The following SLC26A8 variants were observed in gnomAD, a reference collection of about 807,000 sequenced individuals.
The protein encoded by SLC26A8 is solute carrier family 26 member 8, also known as testis anion transporter 1.
SLC26A8 carries 70 observed loss-of-function variants against 105.0 expected under a neutral mutation model. The ratio of observed to expected loss-of-function variants is 0.67; its 90% CI spans 0.55 to 0.81. The LOEUF (loss-of-function observed/expected upper bound fraction) is 0.81, where lower values mean the gene tolerates loss of function less well. SLC26A8 is among the 40% of genes least tolerant of loss of function. The pLI is 0.00. For missense variants in SLC26A8, 998 were observed against 1,181.8 expected (o/e 0.84, Z 2.28); for synonymous variants, 415 against 438.3 (o/e 0.95, Z 0.66).
chr6:35,980,405 C>A (rs1175521122), intron 8 of SLC26A8, among the ~76,000 whole-genome samples: 1 of 152,188 alleles, frequency 6.6e-6, no homozygotes, highest in African/African-American at 2.4e-5. Flanking sequence ...GAGCAATGTG[C>A]TAAGTAATTT....
At chr6:35,947,811 C>A (rs561405144) in intron 19 of SLC26A8, among the ~76,000 whole-genome samples, 70 of 152,220 alleles carry the variant, frequency 4.6e-4, no homozygotes, top group Middle Eastern at 3.4e-3. Context: ...TGCGTCTGTA[C>A]TCCCAAATAC....
chr6:35,955,730 A>G (rs10456437), intron 16 of SLC26A8, among the ~76,000 whole-genome samples: 13 of 151,776 alleles, frequency 8.6e-5, no homozygotes, highest in Non-Finnish European at 1.6e-4. Flanking sequence ...CATCTTCACC[A>G]CCCACGACAC....
At chr6:35,977,467 T>C (rs1455193470) in intron 8 of SLC26A8, 116 bp from the exon 9 acceptor site, 7 of 1,143,264 alleles carry the variant, frequency 6.1e-6, no homozygotes, top group Non-Finnish European at 8.3e-6. Flanking sequence ...TTAATAACAA[T>C]AGGGACAAGC....
rs546689610 is a variant in SLC26A8 at position 35,992,530 on chromosome 6, C to A, written c.772G>T (p.Gly258Cys). Residue 258 changes from glycine to cysteine, a missense_variant, in exon 6 of 20, where the codon GGT becomes TGT. Coordinates refer to ENST00000490799, the MANE Select transcript of SLC26A8 (RefSeq NM_052961.4). ...CTCACATAGAAGAAGGAGATGGGAC[C>A]GGCATGGAAACTAATCATAATCCCA... ...IFGIMISFHA[G>C]PISFFYDIIN... 1 of 1,612,738 alleles carries A rather than the reference C, an allele frequency of 6.2e-7. No homozygotes were observed. Among genetic ancestry groups the A allele is most frequent in the Non-Finnish European group, 8.5e-7 (1 of 1,179,512 alleles).
At chr6:36,012,473 T>A in intron 2 of SLC26A8, 101 bp from the exon 3 acceptor site, 7 of 1,320,356 alleles carry the variant, frequency 5.3e-6, no homozygotes, top group Non-Finnish European at 7.2e-6. Flanking sequence ...AAAAGTAGAG[T>A]CTTGTCAGCA....
At chr6:36,012,419 T>TTG in intron 2 of SLC26A8, 47 bp from the exon 3 acceptor site, 3 of 1,532,820 alleles carry the variant, frequency 2.0e-6, no homozygotes, top group Middle Eastern at 3.5e-4. Context: ...CCAAAGAAAA[T>TTG]GCCCGCATAG....
intron 7 of SLC26A8, among the ~76,000 whole-genome samples, chr6:35,985,590 G>A (rs906152341): frequency 1.3e-5 from 2 of 151,122 alleles, no homozygotes; most frequent in Admixed American, 6.6e-5. Context: ...CTACTCGGGA[G>A]GCTGAGGCAG....
chr6:35,955,241 C>A lies in SLC26A8; in HGVS notation c.2143G>T (p.Ala715Ser). ...GRRSLIPYSD[A>S]SLLPSVHTII... Reference sequence around the variant, plus strand: ...GTGTGGACACTGGGCAGTAGAGACGCATCTGAGTAAGGGATGAGTGATCTC... The same window carrying A: ...GTGTGGACACTGGGCAGTAGAGACGAATCTGAGTAAGGGATGAGTGATCTC... The change falls in exon 17 of 20, where the codon GCG becomes TCG. Residue 715 changes from alanine (A) to serine (S), a missense_variant. Physicochemically the swap from Ala to Ser is moderately conservative, Grantham distance 99. Coordinates refer to ENST00000490799, the MANE Select transcript of SLC26A8 (RefSeq NM_052961.4). 1 of 1,614,178 alleles carries A rather than the reference C, an allele frequency of 6.2e-7. No homozygotes were observed. Among genetic ancestry groups the A allele is most frequent in the African/African-American group, 1.3e-5 (1 of 75,038 alleles).
chr6:35,955,615 G>T, intron 16 of SLC26A8, 95 bp from the exon 17 acceptor site: 1 of 1,477,296 alleles, frequency 6.8e-7, no homozygotes, highest in Non-Finnish European at 9.1e-7. Context: ...GCCAGCTCAT[G>T]TCCCTCTCTC....
Position 35,983,462 on chromosome 6 carries a change from C to T in SLC26A8, c.943-1259G>A, listed in dbSNP as rs187533864. 1.2e-3 allele frequency among the ~76,000 whole-genome samples: 183 copies of T among 152,122 alleles called. 2 individuals are homozygous for T. The highest frequency in any genetic ancestry group is 1.0e-3 in the Non-Finnish European group (68 of 68,010). ...TGAACATATGTATAATTTCTTATAG[C>T]CAAGGGACCCTTGAATTATCAGTAT... On this transcript the variant is annotated intron_variant, in intron 7 of 19. Transcript: ENST00000490799.
chr6:35,996,579 C>T (rs908917454), intron 5 of SLC26A8, among the ~76,000 whole-genome samples: 15 of 152,192 alleles, frequency 9.9e-5, no homozygotes, highest in South Asian at 2.1e-4. Flanking sequence ...CAGGGTCTCG[C>T]TGTGCCACCC....
rs138344479 is a variant in SLC26A8, at chr6:35,955,184, C to T, written c.2200G>A (p.Val734Met). The change falls in exon 17 of 20, where the codon GTG (valine) becomes ATG (methionine). Residue 734 changes from valine (V) to methionine (M), a missense_variant. By Grantham distance (21) the Val-to-Met change is conservative. Transcript: ENST00000490799. ...AATACGACTAACCCCCGTGAATCCA[C>T]GTAGTGTACCATGGAGAAATCCAGG... ...IILDFSMVHY[V>M]DSRGLVVLRQ... 8.2e-4 allele frequency: 1,319 copies of T among 1,614,132 alleles called. 4 individuals are homozygous for T. The African/African-American group carries it at 0.013, about 16-fold the overall frequency.
intron 17 of SLC26A8, chr6:35,954,885 C>T (rs1403760632): frequency 1.7e-5 from 6 of 353,934 alleles, no homozygotes; most frequent in African/African-American, 8.4e-5. Flanking sequence ...GTGGAGGTTG[C>T]AGTGAGCCAA....
chr6:35,997,396 A>C (rs1249780269), intron 5 of SLC26A8, among the ~76,000 whole-genome samples: 1 of 152,148 alleles, frequency 6.6e-6, no homozygotes, highest in Non-Finnish European at 1.5e-5. Context: ...CCGACCTGCC[A>C]TTTGTGGAAA....
rs367696250 is a variant in SLC26A8, at chr6:35,955,073, G to T, written c.2232+79C>A. Reference sequence around the variant, plus strand: ...CATAGCAGCTGATCAGTGACTAACAGAATTCAATCAGGATCAGGGTGGGGT... The same window carrying T: ...CATAGCAGCTGATCAGTGACTAACATAATTCAATCAGGATCAGGGTGGGGT... On this transcript the variant is annotated intron_variant, in intron 17 of 19. Transcript: ENST00000490799. 2.4e-5 allele frequency: 38 copies of T among 1,566,506 alleles called. No individual in the cohort carries two copies. The East Asian group carries it at 4.7e-4, about 19-fold the overall frequency.
intron 11 of SLC26A8, among the ~76,000 whole-genome samples, chr6:35,965,129 C>T (rs1283563956): frequency 1.3e-5 from 2 of 152,046 alleles, no homozygotes; most frequent in East Asian, 1.9e-4. Context: ...TAGGTTACAA[C>T]TATGCAAAGT....
intron 11 of SLC26A8, among the ~76,000 whole-genome samples, chr6:35,968,607 G>GAATATA (rs1772628760): frequency 4.3e-5 from 2 of 47,042 alleles, no homozygotes; most frequent in East Asian, 1.1e-3. Flanking sequence ...GTGTGTGTGT[G>GAATATA]TGTATATATA....
At chr6:35,954,014 C>T (rs950581623) in intron 17 of SLC26A8, among the ~76,000 whole-genome samples, 2 of 152,168 alleles carry the variant, frequency 1.3e-5, no homozygotes, top group Non-Finnish European at 2.9e-5. Context: ...AAAAGAAGCA[C>T]TCAAACACCA....
At chr6:35,997,531 C>T (rs1761389967) in intron 5 of SLC26A8, among the ~76,000 whole-genome samples, 1 of 152,162 alleles carries the variant, frequency 6.6e-6, no homozygotes, top group Admixed American at 6.5e-5. Context: ...AATATCTCAT[C>T]CTAAATCAGT....
Sources: allele counts gnomAD v4.1 joint callset (sites outside exome capture counted in the v4.1 genomes callset), GRCh38; gene constraint gnomAD v4.1.1; transcripts MANE v1.5; gene names NCBI Gene and HGNC (gene_info 2026-07-23, HGNC 2026-07-21).